VAC14: variants seen among roughly 807,000 people sequenced by gnomAD.
The protein encoded by VAC14 is protein VAC14 homolog.
In VAC14, 47 loss-of-function variants were observed where a neutral mutation model predicts 85.3. The ratio of observed to expected loss-of-function variants is 0.55; its 90% CI spans 0.44 to 0.70. The LOEUF (loss-of-function observed/expected upper bound fraction) is 0.70, where lower values mean the gene tolerates loss of function less well. Ranked by LOEUF, VAC14 falls within the 30% of genes least tolerant of loss-of-function variation. The pLI is 0.00. For missense variants in VAC14, 861 were observed against 1,004.3 expected (o/e 0.86, Z 1.93); for synonymous variants, 447 against 430.5 (o/e 1.04, Z -0.47).
chr16:70,781,389 G>C (rs1250996517), intron 8 of VAC14, among the ~76,000 whole-genome samples: 1 of 152,230 alleles, frequency 6.6e-6, no homozygotes, highest in African/African-American at 2.4e-5. Flanking sequence ...TTAATATAGA[G>C]TGGTCCCAGC....
intron 14 of VAC14, among the ~76,000 whole-genome samples, chr16:70,703,236 A>G (rs914103280): frequency 6.6e-6 from 1 of 152,222 alleles, no homozygotes; most frequent in African/African-American, 2.4e-5. Context: ...CAAGCATTAA[A>G]CATGTGCCCA....
intron 9 of VAC14, among the ~76,000 whole-genome samples, chr16:70,773,561 G>C (rs2033355438): frequency 6.6e-6 from 1 of 152,284 alleles, no homozygotes; most frequent in East Asian, 1.9e-4. Flanking sequence ...ACTGAGGAGG[G>C]AAGAGGGGGC....
At chr16:70,714,617 G>A (rs2054113251) in intron 14 of VAC14, 1 of 152,280 alleles carries the variant, frequency 6.6e-6, no homozygotes, top group Non-Finnish European at 1.5e-5. Flanking sequence ...CGAGTTCACA[G>A]GCACCTGGCA....
At chr16:70,764,967 TTC>T (rs970940006) in intron 10 of VAC14, among the ~76,000 whole-genome samples, 4 of 152,202 alleles carry the variant, frequency 2.6e-5, no homozygotes, top group African/African-American at 9.6e-5. Flanking sequence ...TTCCCTTGCG[TTC>T]TGTTCCACAC....
chr16:70,785,976 T>C (rs2034037033), intron 2 of VAC14, 107 bp from the exon 3 acceptor site: 7 of 1,375,614 alleles, frequency 5.1e-6, no homozygotes, highest in Admixed American at 2.5e-5. Flanking sequence ...GCTCAGGCCT[T>C]TGTGTGAGGG....
At chr16:70,784,936 G>T in intron 3 of VAC14, 98 bp from the exon 4 acceptor site, 1 of 1,052,550 alleles carries the variant, frequency 9.5e-7, no homozygotes, top group Non-Finnish European at 1.5e-6. Context: ...AGGCCTTGGT[G>T]CAGCCCAGAA....
chr16:70,727,363 G>C (rs1198403806), intron 14 of VAC14, among the ~76,000 whole-genome samples: 4 of 152,088 alleles, frequency 2.6e-5, no homozygotes, highest in Non-Finnish European at 5.9e-5. Context: ...TTTTTGAGAC[G>C]AAGTCTTGCT....
intron 13 of VAC14, among the ~76,000 whole-genome samples, chr16:70,733,826 G>A (rs1416857757): frequency 6.6e-6 from 1 of 150,768 alleles, no homozygotes; most frequent in Non-Finnish European, 1.5e-5. Flanking sequence ...AGGTCTTTTT[G>A]TTTTTGTTTT....
At chr16:70,753,180 A>G (rs2031541055) in intron 12 of VAC14, among the ~76,000 whole-genome samples, 1 of 152,228 alleles carries the variant, frequency 6.6e-6, no homozygotes, top group Admixed American at 6.5e-5. Flanking sequence ...GGGTTGTCTG[A>G]TCGTGAAGAT....
At chr16:70,780,694 C>T (rs1225572017) in intron 9 of VAC14, 96 bp downstream of exon 9, 1 of 1,443,114 alleles carries the variant, frequency 6.9e-7, no homozygotes, top group Admixed American at 2.3e-5. Flanking sequence ...ATAAAGTAGT[C>T]CTGGTTGCTT....
intron 12 of VAC14, among the ~76,000 whole-genome samples, chr16:70,757,396 G>C (rs1273338122): frequency 6.6e-6 from 1 of 152,214 alleles, no homozygotes; most frequent in Non-Finnish European, 1.5e-5. Context: ...TGACAATGGG[G>C]CTCTAATGAG....
chr16:70,691,668 A>C (rs1028022457), intron 18 of VAC14: 2 of 985,340 alleles, frequency 2.0e-6, no homozygotes, highest in Middle Eastern at 1.0e-3. Flanking sequence ...CTTCTGGGGA[A>C]ATGGGGCAGG....
rs1051030836 is a variant in VAC14, at chr16:70,790,471, T to C, written c.105-4106A>G. Among the ~76,000 whole-genome samples the C allele has an allele frequency of 7.4e-4, 113 of 152,312 alleles. 1 individual carries two copies. Among genetic ancestry groups the C allele is most frequent in the African/African-American group, 2.6e-3 (109 of 41,574 alleles). ...TTTAGCCCCGGTGGATGTGAGGAGC[T>C]GCAGAAGACCATGAGCTCGCACGTG... On this transcript the variant is annotated intron_variant, in intron 1 of 18. Transcript: ENST00000261776.
chr16:70,692,309 G>A (rs993648256), intron 18 of VAC14, among the ~76,000 whole-genome samples: 5 of 151,856 alleles, frequency 3.3e-5, no homozygotes, highest in Admixed American at 2.6e-4. Flanking sequence ...ACCCCACCCC[G>A]GAAGTGGCTG....
chr16:70,799,899 A>C (rs191078148), intron 1 of VAC14, among the ~76,000 whole-genome samples: 3 of 152,258 alleles, frequency 2.0e-5, no homozygotes, highest in Non-Finnish European at 4.4e-5. Flanking sequence ...AGTGTGACTG[A>C]GAAACTAAAG....
intron 14 of VAC14, among the ~76,000 whole-genome samples, chr16:70,709,932 G>A (rs2053994742): frequency 6.6e-6 from 1 of 152,202 alleles, no homozygotes; most frequent in African/African-American, 2.4e-5. Flanking sequence ...CTGGAGAACT[G>A]CAGCTGTAAC....
chr16:70,694,876 A>AAGAGT lies in VAC14; in HGVS notation c.2035+667_2035+668insACTCT, dbSNP rs565069700. ...GCATGGCTCTTGGGCCAACAGGAGC[A>AAGAGT]CCTGCAGAGGGACTCGGGACCCACA... On this transcript the variant is annotated intron_variant, in intron 17 of 18. Coordinates refer to ENST00000261776, the MANE Select transcript of VAC14 (RefSeq NM_018052.5). Among the ~76,000 whole-genome samples the AAGAGT allele has an allele frequency of 4.5e-4, 69 of 152,324 alleles. No individual in the cohort carries two copies. The South Asian group carries it at 0.013, about 28-fold the overall frequency.
intron 10 of VAC14, among the ~76,000 whole-genome samples, chr16:70,764,201 G>A (rs76692742): frequency 0.065 from 9,948 of 152,288 alleles, 319 homozygotes; most frequent in Middle Eastern, 0.14. Context: ...TGTAATTGCT[G>A]AGAGGAATTG....
At chr16:70,741,999 C>G (rs2143009849) in intron 13 of VAC14, among the ~76,000 whole-genome samples, 1 of 152,352 alleles carries the variant, frequency 6.6e-6, no homozygotes, top group Admixed American at 6.5e-5. Flanking sequence ...CCAGGCTGCC[C>G]TCGGCAGTCT....
Sources: gnomAD v4.1 joint callset for allele counts (sites outside exome capture counted in the v4.1 genomes callset) on GRCh38, gnomAD v4.1.1 for gene constraint, MANE v1.5 for transcripts, NCBI Gene and HGNC (gene_info 2026-07-23, HGNC 2026-07-21) for gene names.